The following LRMDA variants were observed in gnomAD, a reference collection of about 807,000 sequenced individuals.
The protein encoded by LRMDA is leucine-rich melanocyte differentiation-associated protein.
Under a neutral mutation model 29.8 loss-of-function variants are expected in LRMDA, and 18 were observed. That is an observed-to-expected ratio of 0.60 (90% CI 0.42 to 0.90). LRMDA has a LOEUF of 0.90. LRMDA is among the 40% of genes least tolerant of loss of function. LRMDA has a pLI of 0.00. For missense variants in LRMDA, 273 were observed against 273.9 expected (o/e 1.00, Z 0.02); for synonymous variants, 125 against 109.4 (o/e 1.14, Z -0.89).
chr10:75,844,338 T>A (rs571450470), intron 2 of LRMDA, among the ~76,000 whole-genome samples: 3 of 152,198 alleles, frequency 2.0e-5, no homozygotes, highest in Non-Finnish European at 4.4e-5. Context: ...AGAACTATTA[T>A]GTTAAATTGT....
At chr10:76,194,285 AAT>A (rs1851296266) in intron 5 of LRMDA, among the ~76,000 whole-genome samples, 1 of 152,192 alleles carries the variant, frequency 6.6e-6, no homozygotes, top group Admixed American at 6.5e-5. Context: ...GGAGCATCTC[AAT>A]TGCATCCCAT....
chr10:76,248,636 T>C (rs901655658), intron 5 of LRMDA, among the ~76,000 whole-genome samples: 6 of 152,214 alleles, frequency 3.9e-5, no homozygotes, highest in Non-Finnish European at 8.8e-5. Context: ...TAAGCAGAGC[T>C]ACATTTGCAG....
In LRMDA at chr10:75,883,726, G is replaced by A. The variant is rs533467111; in HGVS notation, c.132-152282G>A. Among the ~76,000 whole-genome samples, 8 of 151,784 alleles carry A rather than the reference G, an allele frequency of 5.3e-5. No homozygotes were observed. In the South Asian group the frequency reaches 8.4e-4, roughly 16 times the overall value. On this transcript the variant is annotated intron_variant, in intron 2 of 6. Transcript: ENST00000611255. ...CTGAGTGAGGGAATGAAAGGAGGAGGGGGGAGAGGATCATTATATTCAATT... is the reference window on the plus strand; with the variant it reads ...CTGAGTGAGGGAATGAAAGGAGGAGAGGGGAGAGGATCATTATATTCAATT...
rs116473494 is a variant in LRMDA at position 75,688,128 on chromosome 10, G to A, written c.131+249634G>A. On this transcript the variant is annotated intron_variant, in intron 2 of 6. Coordinates refer to ENST00000611255, the MANE Select transcript of LRMDA (RefSeq NM_001305581.2). ...ACAATTCTGCAGCCCATAAATCAAAGAGTAATTTCAACTTTCAACTTTCAA... is the reference window on the plus strand; with the variant it reads ...ACAATTCTGCAGCCCATAAATCAAAAAGTAATTTCAACTTTCAACTTTCAA... 9.6e-3 allele frequency among the ~76,000 whole-genome samples: 1,469 copies of A among 152,272 alleles called. 23 individuals carry two copies. Among genetic ancestry groups the A allele is most frequent in the African/African-American group, 0.033 (1,391 of 41,556 alleles).
chr10:75,806,036 C>A (rs1353791367), intron 2 of LRMDA, among the ~76,000 whole-genome samples: 3 of 152,134 alleles, frequency 2.0e-5, no homozygotes, highest in African/African-American at 7.2e-5. Flanking sequence ...GGAGCTTTTA[C>A]TCATGGCAGG....
In LRMDA at chr10:75,551,679, C is replaced by T. The variant is rs1016957353; in HGVS notation, c.131+113185C>T. ...GACATGAACTCATCCGTTTTTATGG[C>T]TGCATAGTATTCCATGGTGTATACG... is the stretch of plus-strand genomic sequence containing the variant. On this transcript the variant is annotated intron_variant, in intron 2 of 6. Coordinates refer to ENST00000611255, the MANE Select transcript of LRMDA (RefSeq NM_001305581.2). Among the ~76,000 whole-genome samples, 72 of 152,110 alleles carry T rather than the reference C, an allele frequency of 4.7e-4. 2 individuals carry two copies. Among genetic ancestry groups the T allele is most frequent in the Admixed American group, 4.7e-3 (72 of 15,262 alleles).
At chr10:76,532,374 GTA>G (rs1843243510) in intron 6 of LRMDA, among the ~76,000 whole-genome samples, 2 of 152,156 alleles carry the variant, frequency 1.3e-5, no homozygotes, top group African/African-American at 4.8e-5. Context: ...CTTCTGTTTG[GTA>G]AACAGAGAAA....
At chr10:75,858,742 C>T (rs1242889992) in intron 2 of LRMDA, among the ~76,000 whole-genome samples, 1 of 152,126 alleles carries the variant, frequency 6.6e-6, no homozygotes, top group Non-Finnish European at 1.5e-5. Flanking sequence ...GGAAGGTTGC[C>T]CTGCCATGTC....
At chr10:76,428,371 G>T (rs893727598) in intron 6 of LRMDA, among the ~76,000 whole-genome samples, 7 of 152,112 alleles carry the variant, frequency 4.6e-5, no homozygotes, top group African/African-American at 1.7e-4. Flanking sequence ...CCTTGATGCT[G>T]GCTCAGGCCC....
chr10:76,034,547 T>G (rs765098509), intron 2 of LRMDA, among the ~76,000 whole-genome samples: 1 of 152,098 alleles, frequency 6.6e-6, no homozygotes, highest in Non-Finnish European at 1.5e-5. Flanking sequence ...CTGGGCCCAG[T>G]GGTATCTACA....
chr10:75,547,082 AC>A (rs1297645910), intron 2 of LRMDA, among the ~76,000 whole-genome samples: 1 of 152,176 alleles, frequency 6.6e-6, no homozygotes, highest in Non-Finnish European at 1.5e-5. Flanking sequence ...AGTGAGGACT[AC>A]AAGAATGATC....
At chr10:76,516,825 C>A (rs777471990) in intron 6 of LRMDA, among the ~76,000 whole-genome samples, 1 of 152,144 alleles carries the variant, frequency 6.6e-6, no homozygotes, top group Non-Finnish European at 1.5e-5. Context: ...GTCTTTATAG[C>A]AGCATGATTT....
intron 2 of LRMDA, among the ~76,000 whole-genome samples, chr10:75,869,386 G>A (rs572593706): frequency 1.3e-5 from 2 of 152,234 alleles, no homozygotes; most frequent in African/African-American, 2.4e-5. Flanking sequence ...GTGATATTCC[G>A]TCTTGAGGGT....
At chr10:75,582,744 G>A (rs545453535) in intron 2 of LRMDA, among the ~76,000 whole-genome samples, 20 of 152,142 alleles carry the variant, frequency 1.3e-4, no homozygotes, top group East Asian at 3.9e-4. Flanking sequence ...CTACATGGCC[G>A]GGCTGCAAAT....
intron 6 of LRMDA, among the ~76,000 whole-genome samples, chr10:76,430,416 A>G (rs1842178709): frequency 1.3e-5 from 2 of 152,210 alleles, no homozygotes; most frequent in Admixed American, 6.5e-5. Context: ...ATCTTTGTTC[A>G]TAAGTAATTG....
chr10:75,598,689 G>T (rs1389293443), intron 2 of LRMDA, among the ~76,000 whole-genome samples: 1 of 152,164 alleles, frequency 6.6e-6, no homozygotes, highest in Non-Finnish European at 1.5e-5. Flanking sequence ...CTCCTGCGAG[G>T]CTTCATATGT....
At chr10:75,764,377 C>T (rs980351485) in intron 2 of LRMDA, among the ~76,000 whole-genome samples, 15 of 152,142 alleles carry the variant, frequency 9.9e-5, no homozygotes, top group African/African-American at 3.6e-4. Flanking sequence ...ATTTAAACTC[C>T]GTCTGAAAGT....
intron 2 of LRMDA, among the ~76,000 whole-genome samples, chr10:75,477,260 T>C (rs770084538): frequency 3.9e-5 from 6 of 152,148 alleles, no homozygotes; most frequent in Admixed American, 3.9e-4. Flanking sequence ...TCTCTTCTTC[T>C]TGTGAAGACA....
chr10:75,804,623 T>C lies in LRMDA; in HGVS notation c.132-231385T>C, dbSNP rs188971070. On this transcript the variant is annotated intron_variant, in intron 2 of 6. Transcript: ENST00000611255. ...TCCTCTTCTCTCCCTTCCTGCTGCA[T>C]TGTGGTCAGAGCTTCAGTACCTGTG... 1.5e-3 allele frequency among the ~76,000 whole-genome samples: 231 copies of C among 152,336 alleles called. 3 individuals are homozygous for C. The highest frequency in any genetic ancestry group is 5.5e-3 in the African/African-American group (229 of 41,582).
Sources: gnomAD v4.1 joint callset for allele counts (sites outside exome capture counted in the v4.1 genomes callset) on GRCh38, gnomAD v4.1.1 for gene constraint, MANE v1.5 for transcripts, NCBI Gene and HGNC (gene_info 2026-07-23, HGNC 2026-07-21) for gene names.